CRAMP1: variants seen among roughly 807,000 people sequenced by gnomAD.
CRAMP1 encodes cramped chromatin regulator 1.
CRAMP1 carries 50 observed loss-of-function variants against 115.4 expected under a neutral mutation model. The observed-to-expected ratio is 0.43, with a 90% CI of 0.35 to 0.55. The LOEUF is 0.55. Among genes scored for constraint, CRAMP1 ranks in the 20% least tolerant of loss-of-function variants. The pLI is 0.01. For synonymous variants in CRAMP1, 866 were observed against 745.4 expected, an observed-to-expected ratio of 1.16 and a Z score of -2.64; for missense variants, 1,679 against 1,721.7, an observed-to-expected ratio of 0.98 and a Z score of 0.44.
chr16:1,651,781 C>T (rs2036725912), intron 6 of CRAMP1, among the ~76,000 whole-genome samples: 2 of 146,756 alleles, frequency 1.4e-5, no homozygotes, highest in Non-Finnish European at 3.0e-5. Flanking sequence ...ACACAGGTCA[C>T]AGAGAGGTGG....
chr16:1,617,573 C>A (rs1441782128), intron 2 of CRAMP1, among the ~76,000 whole-genome samples: 1 of 152,244 alleles, frequency 6.6e-6, no homozygotes, highest in African/African-American at 2.4e-5. Flanking sequence ...GATGTAACTT[C>A]TATTATGCCT....
chr16:1,670,536 A>C (rs2036913328), intron 19 of CRAMP1, 128 bp from the exon 20 acceptor site: 2 of 970,554 alleles, frequency 2.1e-6, no homozygotes, highest in Admixed American at 4.5e-5. Context: ...CTCTTCGCAC[A>C]AGTCTGGATT....
rs1339863775 is a variant in CRAMP1 at position 1,669,514 on chromosome 16, A to G, written c.3499+349A>G. On this transcript the variant is annotated intron_variant, in intron 19 of 20. Transcript: ENST00000397412. This position sits in a 1 kb window ranked among gnomAD's most constrained non-coding sequence, Gnocchi z 4.6. ...CTCCCGACTGGGTTCTCTTGAGGGG[A>G]GAAAAGGAAACTGGTGTCTTGGCAC... Among the ~76,000 whole-genome samples the G allele has an allele frequency of 6.6e-6, 1 of 151,986 alleles. No homozygotes were observed. Among genetic ancestry groups the G allele is most frequent in the African/African-American group, 2.4e-5 (1 of 41,358 alleles).
intron 18 of CRAMP1, among the ~76,000 whole-genome samples, 158 bp from the exon 19 acceptor site, chr16:1,668,843 C>A (rs181166388): frequency 2.7e-3 from 410 of 152,290 alleles, no homozygotes; most frequent in Admixed American, 5.2e-3. Context: ...AGCTGTTCTG[C>A]GGTGCTGCGC....
intron 8 of CRAMP1, among the ~76,000 whole-genome samples, chr16:1,654,978 G>C (rs1555500294): frequency 6.6e-6 from 1 of 152,264 alleles, no homozygotes; most frequent in Non-Finnish European, 1.5e-5. Flanking sequence ...TGCTGGCAAA[G>C]AATACTTGGG....
intron 6 of CRAMP1, among the ~76,000 whole-genome samples, chr16:1,647,249 A>G (rs1436535310): frequency 6.6e-6 from 1 of 152,212 alleles, no homozygotes; most frequent in East Asian, 1.9e-4. Flanking sequence ...AAAGCTCTAA[A>G]CTAAAGTGAA....
rs1463642544 is a variant in CRAMP1 at position 1,677,281 on chromosome 16, A to G, written c.*3236A>G. 6.6e-6 allele frequency: 1 copy of G among 152,222 alleles called. No individual in the cohort carries two copies. The highest frequency in any genetic ancestry group is 2.4e-5 in the African/African-American group (1 of 41,456). The allele number at this position is 152,222 out of a possible 1,614,324, so 9.4% of individuals were successfully genotyped here. A position where few individuals can be genotyped will look rare whatever the true frequency, so the allele number is the denominator to read the frequency against. On this transcript the variant is annotated 3_prime_UTR_variant, in exon 21 of 21. Coordinates refer to ENST00000397412, the MANE Select transcript of CRAMP1 (RefSeq NM_020825.4). ...AACATGGAGAGACCCTGTCTCTACT[A>G]AAAGTACAGAATTAGCCGGGCGTGG... is the stretch of plus-strand genomic sequence containing the variant.
At chr16:1,633,884 A>G (rs1413963440) in intron 4 of CRAMP1, among the ~76,000 whole-genome samples, 1 of 152,162 alleles carries the variant, frequency 6.6e-6, no homozygotes, top group Non-Finnish European at 1.5e-5. Context: ...CCTGGCCAAC[A>G]TGGTGAAACC....
intron 10 of CRAMP1, 24 bp downstream of exon 10, chr16:1,657,016 C>A: frequency 1.4e-6 from 2 of 1,477,760 alleles, no homozygotes; most frequent in Non-Finnish European, 9.0e-7. Flanking sequence ...AGCCCAGCCC[C>A]TCTGGCGGCC....
chr16:1,674,246 C>T lies in CRAMP1; in HGVS notation c.*201C>T, dbSNP rs2036948314. ...ACTAGGATGAGTTCTTGGCAAGGGCCAGCGTTAGAAATCACTGTGGTACTA... is the reference window on the plus strand; with the variant it reads ...ACTAGGATGAGTTCTTGGCAAGGGCTAGCGTTAGAAATCACTGTGGTACTA... On this transcript the variant is annotated 3_prime_UTR_variant, in exon 21 of 21. Coordinates refer to ENST00000397412, the MANE Select transcript of CRAMP1 (RefSeq NM_020825.4). 3.3e-6 allele frequency: 2 copies of T among 599,636 alleles called. No individual in the cohort carries two copies. The highest frequency in any genetic ancestry group is 5.9e-6 in the Non-Finnish European group (2 of 339,978). 37.1% of individuals were successfully genotyped at this position (599,636 alleles called of 1,614,324 possible). A position where few individuals can be genotyped will look rare whatever the true frequency, so the allele number is the denominator to read the frequency against.
Position 1,673,874 on chromosome 16 carries a change from C to G in CRAMP1, c.3646-7C>G. The G allele has an allele frequency of 2.5e-6, 4 of 1,613,698 alleles. No individual in the cohort carries two copies. Among genetic ancestry groups the G allele is most frequent in the Non-Finnish European group, 3.4e-6 (4 of 1,179,756 alleles). On this transcript the variant is annotated splice_polypyrimidine_tract_variant and splice_region_variant and intron_variant, in intron 20 of 20. Coordinates refer to ENST00000397412, the MANE Select transcript of CRAMP1 (RefSeq NM_020825.4). ...TGACTTGTTCTTCCTGTCTCCTCTT[C>G]CTGCAGGTTGTGGATTCCCAGCTGG... is the stretch of plus-strand genomic sequence containing the variant.
chr16:1,631,297 C>T (rs1431793287), intron 3 of CRAMP1, among the ~76,000 whole-genome samples: 1 of 152,230 alleles, frequency 6.6e-6, no homozygotes, highest in Non-Finnish European at 1.5e-5. Context: ...TCGGCTTTCT[C>T]GCCCCGTTGG....
At chr16:1,615,807 G>A (rs1003367170) in intron 2 of CRAMP1, among the ~76,000 whole-genome samples, 1 of 152,082 alleles carries the variant, frequency 6.6e-6, no homozygotes, top group Non-Finnish European at 1.5e-5. Flanking sequence ...GACCATGTTC[G>A]CAGCACTTTG....
chr16:1,668,280 C>A, intron 18 of CRAMP1, 87 bp downstream of exon 18: 1 of 1,042,400 alleles, frequency 9.6e-7, no homozygotes, highest in Non-Finnish European at 1.5e-6. Flanking sequence ...GGGGATATTC[C>A]AGTTTTGTGA....
At chr16:1,646,350 C>T (rs933039464) in intron 6 of CRAMP1, among the ~76,000 whole-genome samples, 1 of 152,100 alleles carries the variant, frequency 6.6e-6, no homozygotes, top group Non-Finnish European at 1.5e-5. Flanking sequence ...CAGTTGCTTC[C>T]CACACTCCCC....
chr16:1,661,648 T>A (rs1596496363), intron 11 of CRAMP1, among the ~76,000 whole-genome samples: 2 of 146,338 alleles, frequency 1.4e-5, no homozygotes, highest in African/African-American at 5.1e-5. Flanking sequence ...CAGGCTGGAG[T>A]GCAGTGGCGT....
intron 4 of CRAMP1, among the ~76,000 whole-genome samples, chr16:1,636,502 C>G (rs1181155174): frequency 6.6e-6 from 1 of 152,190 alleles, no homozygotes; most frequent in African/African-American, 2.4e-5. Context: ...GGTCCAGAAT[C>G]CTCCTCATAT....
rs1373324170 is a variant in CRAMP1, at chr16:1,676,862, C to T, written c.*2817C>T. On this transcript the variant is annotated 3_prime_UTR_variant, in exon 21 of 21. Transcript: ENST00000397412. ...GTCTTGTAGCTGTAGGGTGCCAGCT[C>T]AGGGAGTGGGGTGTTGGCGGCGTTT... is the stretch of plus-strand genomic sequence containing the variant. 3 of 152,266 alleles carry T rather than the reference C, an allele frequency of 2.0e-5. No homozygotes were observed. Among genetic ancestry groups the T allele is most frequent in the Non-Finnish European group, 4.4e-5 (3 of 68,078 alleles). 9.4% of individuals were successfully genotyped at this position (152,266 alleles called of 1,614,324 possible).
chr16:1,656,735 C>G lies in CRAMP1; in HGVS notation c.1978C>G (p.Pro660Ala), dbSNP rs1352918863. The change falls in exon 10 of 21, where the codon CCC (proline) becomes GCC (alanine). Residue 660 changes from proline (P) to alanine (A), a missense_variant. By Grantham distance (27) the Pro-to-Ala change is conservative (BLOSUM62 -1). Transcript: ENST00000397412. The surrounding 1 kb of genome is among the most constrained non-coding windows in gnomAD (Gnocchi z 5.6). ...PPSQGQPAAR[P>A]PKEVPASRLA... ...GTCTCAGGGACAGCCTGCCGCCAGG[C>G]CCCCGAAGGAGGTCCCCGCCAGCCG... The G allele has an allele frequency of 1.3e-6, 2 of 1,550,544 alleles. No homozygotes were observed. The highest frequency in any genetic ancestry group is 3.9e-5 in the Admixed American group (2 of 51,036).
Sources: gnomAD v4.1 joint callset for allele counts (sites outside exome capture counted in the v4.1 genomes callset) on GRCh38, gnomAD v4.1.1 for gene constraint, Gnocchi (gnomAD v3.1) non-coding constraint, MANE v1.5 for transcripts, NCBI Gene and HGNC (gene_info 2026-07-23, HGNC 2026-07-21) for gene names.